CTNND2: variants seen among roughly 807,000 people sequenced by gnomAD.
CTNND2 encodes catenin delta-2.
CTNND2 carries 22 observed loss-of-function variants against 144.4 expected under a neutral mutation model. That is an observed-to-expected ratio of 0.15 (90% CI 0.11 to 0.22). CTNND2 has a LOEUF of 0.22. CTNND2 is among the 10% of genes least tolerant of loss of function. The pLI, the probability that CTNND2 is intolerant of heterozygous loss-of-function variation, is 1.00. For missense variants in CTNND2, 1,353 were observed against 1,618.8 expected (o/e 0.84, Z 2.82); for synonymous variants, 751 against 695.6 (o/e 1.08, Z -1.25).
At chr5:11,112,734 C>T (rs1480383743) in intron 13 of CTNND2, among the ~76,000 whole-genome samples, 1 of 152,300 alleles carries the variant, frequency 6.6e-6, no homozygotes, top group South Asian at 2.1e-4. Context: ...TAGGGCTAGC[C>T]GGCTTGGCTT....
intron 9 of CTNND2, among the ~76,000 whole-genome samples, chr5:11,252,841 G>C (rs931946411): frequency 2.6e-5 from 4 of 152,164 alleles, no homozygotes; most frequent in Admixed American, 2.0e-4. Context: ...AATTTCATGA[G>C]GATAAAGTAA....
intron 11 of CTNND2, among the ~76,000 whole-genome samples, chr5:11,197,468 A>C (rs570008357): frequency 6.6e-6 from 1 of 152,298 alleles, no homozygotes; most frequent in African/African-American, 2.4e-5. Flanking sequence ...AGTGGGTGCA[A>C]ACCTCCTTCT....
chr5:11,363,369 T>C (rs978669488), intron 8 of CTNND2, among the ~76,000 whole-genome samples: 4 of 152,194 alleles, frequency 2.6e-5, no homozygotes, highest in African/African-American at 9.7e-5. Context: ...TTTATTCAAA[T>C]TAGATATTGA....
chr5:11,732,423 C>G lies in CTNND2; in HGVS notation c.38-151G>C, dbSNP rs6864269. Reference sequence around the variant, plus strand: ...ACATAATTATAGAACGGGAGTAATACAGTAAAGTAAAGTAACAGTACAAGT... The same window carrying G: ...ACATAATTATAGAACGGGAGTAATAGAGTAAAGTAAAGTAACAGTACAAGT... On this transcript the variant is annotated intron_variant, in intron 1 of 21. Transcript: ENST00000304623. The G allele has an allele frequency of 0.049, 31,009 of 638,294 alleles. 1,873 individuals are homozygous for G. Among genetic ancestry groups the G allele is most frequent in the African/African-American group, 0.23 (12,580 of 54,348 alleles). 39.5% of individuals were successfully genotyped at this position (638,294 alleles called of 1,614,324 possible).
At chr5:11,508,588 G>A (rs912775565) in intron 3 of CTNND2, 3 of 152,068 alleles carry the variant, frequency 2.0e-5, no homozygotes, top group African/African-American at 7.2e-5. Context: ...AAAAATACTT[G>A]GGGTTAGAAA....
chr5:11,031,252 G>A (rs2036378887), intron 16 of CTNND2, among the ~76,000 whole-genome samples: 1 of 152,160 alleles, frequency 6.6e-6, no homozygotes, highest in African/African-American at 2.4e-5. Context: ...CTGTGTTTGT[G>A]TCACTGTAGT....
intron 16 of CTNND2, among the ~76,000 whole-genome samples, chr5:11,063,122 G>C (rs1176425152): frequency 6.6e-6 from 1 of 151,994 alleles, no homozygotes; most frequent in African/African-American, 2.4e-5. Context: ...GAAGTTCAAA[G>C]AATCAAGTAG....
chr5:11,643,242 A>C (rs1283867587), intron 2 of CTNND2, among the ~76,000 whole-genome samples: 1 of 151,534 alleles, frequency 6.6e-6, no homozygotes, highest in African/African-American at 2.4e-5. Flanking sequence ...TTTTAATTTT[A>C]TTATTATTAT....
intron 2 of CTNND2, among the ~76,000 whole-genome samples, chr5:11,641,728 G>A (rs941750348): frequency 4.4e-5 from 2 of 45,610 alleles, no homozygotes; most frequent in Non-Finnish European, 5.9e-5. Context: ...ACATATACGT[G>A]TGTGTATATA....
intron 2 of CTNND2, among the ~76,000 whole-genome samples, chr5:11,687,306 C>T (rs936874889): frequency 3.3e-5 from 5 of 152,240 alleles, no homozygotes; most frequent in Non-Finnish European, 5.9e-5. Context: ...AACAAGGGGC[C>T]GTGATCATTG....
intron 9 of CTNND2, among the ~76,000 whole-genome samples, chr5:11,331,748 A>C (rs1475687546): frequency 5.3e-5 from 8 of 152,178 alleles, no homozygotes; most frequent in Admixed American, 5.2e-4. Context: ...GAATAATATT[A>C]TGTCATTTAA....
chr5:11,732,214 G>A lies in CTNND2; in HGVS notation c.96C>T (p.Ser32=). The change falls in exon 2 of 22, where the codon AGC becomes AGT. Residue 32 remains serine (S), a synonymous_variant. Transcript: ENST00000304623. ...SSASEKTSSL[S]PGLNTSNGDG... ...CCCCGTTGGAGGTGTTTAAGCCGGG[G>A]CTCAGGGAACTCGTCTTCTCTGAGG... The A allele has an allele frequency of 1.2e-6, 2 of 1,614,016 alleles. No homozygotes were observed. The highest frequency in any genetic ancestry group is 1.1e-5 in the South Asian group (1 of 91,076).
At chr5:11,487,876 C>CT (rs893327033) in intron 3 of CTNND2, among the ~76,000 whole-genome samples, 6 of 151,792 alleles carry the variant, frequency 4.0e-5, no homozygotes, top group African/African-American at 4.8e-5. Context: ...GGATCAGTGG[C>CT]TTTTTTTTGG....
chr5:11,612,433 A>C (rs550281762), intron 2 of CTNND2, among the ~76,000 whole-genome samples: 1 of 152,324 alleles, frequency 6.6e-6, no homozygotes, highest in African/African-American at 2.4e-5. Flanking sequence ...CTAAATAAGC[A>C]GATTTATGCT....
intron 2 of CTNND2, among the ~76,000 whole-genome samples, chr5:11,719,312 T>C (rs930198640): frequency 9.2e-5 from 14 of 152,188 alleles, no homozygotes; most frequent in Admixed American, 7.9e-4. Flanking sequence ...GCTTACTCTG[T>C]GTCATGGCAG....
chr5:11,053,243 G>C (rs1010384621), intron 16 of CTNND2, among the ~76,000 whole-genome samples: 5 of 152,122 alleles, frequency 3.3e-5, no homozygotes, highest in Admixed American at 6.5e-5. Flanking sequence ...TGTATGCAGA[G>C]GCAAGCTTAT....
chr5:11,110,942 T>C lies in CTNND2; in HGVS notation c.2379A>G (p.Leu793=). Residue 793 remains leucine (L), a synonymous_variant, in exon 14 of 22, where the codon CTA becomes CTG. Coordinates refer to ENST00000304623, the MANE Select transcript of CTNND2 (RefSeq NM_001332.4). ...CCTTGCCATTGGCCTCGCCACAGAG[T>C]AGCCCGTCCAGCTCGTCCGTGCCCA... ...QHMGTDELDG[L]LCGEANGKDA... 4 of 1,614,050 alleles carry C rather than the reference T, an allele frequency of 2.5e-6. No homozygotes were observed. The highest frequency in any genetic ancestry group is 3.4e-6 in the Non-Finnish European group (4 of 1,180,010).
chr5:11,304,994 T>C (rs895863077), intron 9 of CTNND2, among the ~76,000 whole-genome samples: 2 of 152,152 alleles, frequency 1.3e-5, no homozygotes, highest in Admixed American at 6.5e-5. Flanking sequence ...CATCTCGGCA[T>C]TGCATCCACT....
chr5:11,148,752 C>T (rs545769999), intron 12 of CTNND2, among the ~76,000 whole-genome samples: 17 of 152,272 alleles, frequency 1.1e-4, no homozygotes, highest in East Asian at 7.7e-4. Context: ...CTGGGGATCC[C>T]GGCTGGGTGC....
Sources: allele counts gnomAD v4.1 joint callset (sites outside exome capture counted in the v4.1 genomes callset), GRCh38; gene constraint gnomAD v4.1.1; transcripts MANE v1.5; gene names NCBI Gene and HGNC (gene_info 2026-07-23, HGNC 2026-07-21).